Variants in VIL1 observed in about 807,000 individuals in gnomAD.
VIL1 encodes the protein villin 1.
VIL1 carries 86 observed loss-of-function variants against 104.0 expected under a neutral mutation model. The observed-to-expected ratio is 0.83, with a 90% CI of 0.69 to 0.99. The LOEUF is 0.99. VIL1 is among the 50% of genes least tolerant of loss of function. The probability of loss-of-function intolerance (pLI) is 0.00; values close to 1 mark genes in which losing one functional copy is unlikely to be tolerated. For synonymous variants in VIL1, 394 were observed against 412.6 expected (o/e 0.95, Z 0.55); for missense variants, 944 against 1,054.1 (o/e 0.90, Z 1.45).
intron 18 of VIL1, among the ~76,000 whole-genome samples, chr2:218,439,374 C>T (rs1310482424): frequency 1.3e-5 from 2 of 152,160 alleles, no homozygotes; most frequent in Non-Finnish European, 2.9e-5. Context: ...GAATCTGCAT[C>T]TTTTAAATCT....
In VIL1 at chr2:218,428,212, C is replaced by T. The variant is rs1333029539; in HGVS notation, c.457-15C>T. 1 of 1,612,924 alleles carries T rather than the reference C, an allele frequency of 6.2e-7. No individual in the cohort carries two copies. The highest frequency in any genetic ancestry group is 8.5e-7 in the Non-Finnish European group (1 of 1,179,102). On this transcript the variant is annotated splice_polypyrimidine_tract_variant and intron_variant, in intron 5 of 19. Coordinates refer to ENST00000248444, the MANE Select transcript of VIL1 (RefSeq NM_007127.3). Reference sequence around the variant, plus strand: ...AGCTCTGAGTGGGGTCTGTGCCTCCCCTGTGGCTCCCTAGGTAGAGATGTC... The same window carrying T: ...AGCTCTGAGTGGGGTCTGTGCCTCCTCTGTGGCTCCCTAGGTAGAGATGTC...
chr2:218,435,469 A>C (rs1361568117), intron 15 of VIL1, 35 bp downstream of exon 15: 10 of 1,604,980 alleles, frequency 6.2e-6, no homozygotes, highest in Non-Finnish European at 8.5e-6. Flanking sequence ...CAGGTTACCA[A>C]GGTGGGGGAG....
chr2:218,428,215 G>C lies in VIL1; in HGVS notation c.457-12G>C, dbSNP rs1248825773. 1 of 1,613,642 alleles carries C rather than the reference G, an allele frequency of 6.2e-7. No homozygotes were observed. ...TCTGAGTGGGGTCTGTGCCTCCCCT[G>C]TGGCTCCCTAGGTAGAGATGTCCTG... On this transcript the variant is annotated splice_polypyrimidine_tract_variant and intron_variant, in intron 5 of 19. Coordinates refer to ENST00000248444, the MANE Select transcript of VIL1 (RefSeq NM_007127.3).
At chr2:218,441,069 A>G (rs1689275980) in intron 19 of VIL1, among the ~76,000 whole-genome samples, 1 of 152,176 alleles carries the variant, frequency 6.6e-6, no homozygotes, top group Non-Finnish European at 1.5e-5. Flanking sequence ...AGTGCCAGAA[A>G]GGTGAAGTAC....
intron 4 of VIL1, among the ~76,000 whole-genome samples, 177 bp downstream of exon 4, chr2:218,425,988 G>A (rs932302369): frequency 1.3e-5 from 2 of 152,142 alleles, no homozygotes; most frequent in Non-Finnish European, 2.9e-5. Context: ...GGGGAGGCAC[G>A]AGGGGGACCC....
At chr2:218,444,244 A>G (rs767018219) in intron 19 of VIL1, among the ~76,000 whole-genome samples, 3 of 152,060 alleles carry the variant, frequency 2.0e-5, no homozygotes, top group Non-Finnish European at 4.4e-5. Flanking sequence ...TGCTGGGATT[A>G]TAGGCATGAG....
intron 6 of VIL1, among the ~76,000 whole-genome samples, 199 bp downstream of exon 6, chr2:218,428,536 C>T (rs1689041870): frequency 6.6e-6 from 1 of 152,198 alleles, no homozygotes; most frequent in Non-Finnish European, 1.5e-5. Flanking sequence ...GAATGAGTCT[C>T]TACAGTGTGA....
rs938467954 is a variant in VIL1, at chr2:218,437,165, G to A, written c.2013G>A (p.Lys671=). The change falls in exon 17 of 20, where the codon AAG becomes AAA. Residue 671 remains lysine, a synonymous_variant. Coordinates refer to ENST00000248444, the MANE Select transcript of VIL1 (RefSeq NM_007127.3). ...GGAAACATGCCAACGAGGAGGAGAAGAAGGCCGCAGCAACCACTGCACAGG... is the reference window on the plus strand; with the variant it reads ...GGAAACATGCCAACGAGGAGGAGAAAAAGGCCGCAGCAACCACTGCACAGG... ...WIGKHANEEE[K]KAAATTAQEY... The A allele has an allele frequency of 3.1e-6, 5 of 1,614,172 alleles. No homozygotes were observed. Among genetic ancestry groups the A allele is most frequent in the South Asian group, 1.1e-5 (1 of 91,084 alleles).
intron 16 of VIL1, 145 bp from the exon 17 acceptor site, chr2:218,436,979 C>A: frequency 2.1e-6 from 2 of 957,250 alleles, no homozygotes; most frequent in Non-Finnish European, 3.1e-6. Context: ...AAATTCAAGG[C>A]CAGATGATGC....
At chr2:218,431,009 T>A in intron 10 of VIL1, 131 bp downstream of exon 10, 1 of 1,258,218 alleles carries the variant, frequency 7.9e-7, no homozygotes, top group Non-Finnish European at 1.1e-6. Context: ...GCTCTGGGCT[T>A]GTCCTAGCAG....
chr2:218,429,205 T>C, intron 6 of VIL1, 80 bp from the exon 7 acceptor site: 1 of 1,512,956 alleles, frequency 6.6e-7, no homozygotes, highest in Non-Finnish European at 9.0e-7. Context: ...TGGTCTGGGC[T>C]TGCCTGGCAG....
intron 17 of VIL1, among the ~76,000 whole-genome samples, chr2:218,438,354 G>T (rs1375857396): frequency 6.6e-6 from 1 of 152,194 alleles, no homozygotes; most frequent in Non-Finnish European, 1.5e-5. Flanking sequence ...TCTCCATACT[G>T]CCTGTGGGTT....
At chr2:218,430,046 G>A in intron 9 of VIL1, 99 bp downstream of exon 9, 1 of 1,098,548 alleles carries the variant, frequency 9.1e-7, no homozygotes, top group Non-Finnish European at 1.3e-6. Flanking sequence ...TCAGACCAGG[G>A]CATAGTGCCA....
intron 13 of VIL1, among the ~76,000 whole-genome samples, chr2:218,433,468 T>C (rs938325043): frequency 2.0e-5 from 3 of 149,050 alleles, no homozygotes; most frequent in Admixed American, 2.0e-4. Flanking sequence ...CCGGTTGCGG[T>C]GGCTCTCACC....
Position 218,429,938 on chromosome 2 carries a change from C to T in VIL1, c.939C>T (p.Ser313=). ...ANEQEKKGAM[S]HALNFIKAKQ... The stretch of plus-strand genomic sequence containing the variant: ...AGCAGGAGAAGAAGGGAGCCATGAG[C>T]CATGCGCTGGTAGTGGTGGGGGCGG... The change falls in exon 9 of 20, where the codon AGC becomes AGT. Residue 313 remains serine (S), a synonymous_variant. Transcript: ENST00000248444. 1.2e-6 allele frequency: 2 copies of T among 1,612,408 alleles called. No individual in the cohort carries two copies. The highest frequency in any genetic ancestry group is 1.7e-6 in the Non-Finnish European group (2 of 1,179,006).
chr2:218,431,798 G>A lies in VIL1; in HGVS notation c.1103-59G>A. ...ATTGTAGCCACCATTCAGGGCTGTT[G>A]TGAGGACCTGGGAGACCTCAGCTGG... On this transcript the variant is annotated intron_variant, in intron 10 of 19. Coordinates refer to ENST00000248444, the MANE Select transcript of VIL1 (RefSeq NM_007127.3). 4 of 1,433,728 alleles carry A rather than the reference G, an allele frequency of 2.8e-6. No individual in the cohort carries two copies. In the Admixed American group the frequency reaches 5.6e-5, roughly 20 times the overall value. The allele number at this position is 1,433,728 out of a possible 1,614,324, so 88.8% of individuals were successfully genotyped here.
intron 17 of VIL1, among the ~76,000 whole-genome samples, chr2:218,438,305 G>A (rs1689229305): frequency 6.6e-6 from 1 of 152,202 alleles, no homozygotes; most frequent in Non-Finnish European, 1.5e-5. Flanking sequence ...ATCCCCAGGA[G>A]CCCTGCATTT....
At position 218,449,675 on chromosome 2, in the gene VIL1, G is replaced by C. The variant is rs1033404046; in HGVS notation, c.*339G>C. On this transcript the variant is annotated 3_prime_UTR_variant, in exon 20 of 20. Coordinates refer to ENST00000248444, the MANE Select transcript of VIL1 (RefSeq NM_007127.3). ...GAGTTCTGAGGCACTACCCTAGCTT[G>C]TCCTCTATCATGACTCATTTTTATC... The C allele has an allele frequency of 1.0e-5, 2 of 196,462 alleles. No homozygotes were observed. Among genetic ancestry groups the C allele is most frequent in the African/African-American group, 4.6e-5 (2 of 43,498 alleles). 12.2% of individuals were successfully genotyped at this position (196,462 alleles called of 1,614,324 possible). A position where few individuals can be genotyped will look rare whatever the true frequency, so the allele number is the denominator to read the frequency against.
chr2:218,423,683 G>T, intron 1 of VIL1, 85 bp from the exon 2 acceptor site: 1 of 1,377,104 alleles, frequency 7.3e-7, no homozygotes, highest in Non-Finnish European at 1.0e-6. Context: ...CGACCTCCTG[G>T]CACTGTTGGG....
Sources: allele counts gnomAD v4.1 joint callset (sites outside exome capture counted in the v4.1 genomes callset), GRCh38; gene constraint gnomAD v4.1.1; transcripts MANE v1.5; gene names NCBI Gene and HGNC (gene_info 2026-07-23, HGNC 2026-07-21).